The following CACNA1H variants were observed in gnomAD, a reference collection of about 807,000 sequenced individuals.
CACNA1H encodes voltage-dependent T-type calcium channel subunit alpha-1H.
In CACNA1H, 149 loss-of-function variants were observed where a neutral mutation model predicts 192.5. The observed-to-expected ratio is 0.77, with a 90% CI of 0.68 to 0.89. CACNA1H has a LOEUF of 0.89. CACNA1H is among the 40% of genes least tolerant of loss of function. The pLI is 0.00. For missense variants in CACNA1H, 4,257 were observed against 3,423.5 expected (o/e 1.24, Z -6.08); for synonymous variants, 2,202 against 1,475.2 (o/e 1.49, Z -11.29).
rs558090909 is a variant in CACNA1H, at chr16:1,189,196, G to A, written c.300-5776G>A. Among the ~76,000 whole-genome samples, 12 of 151,704 alleles carry A rather than the reference G, an allele frequency of 7.9e-5. No homozygotes were observed. In the South Asian group the frequency reaches 2.5e-3, roughly 31 times the overall value. ...CTGTTCTCCTCCCGGAGACTGAGGAGCTGGTGTCCCTGAAGCGTCCTGGGC... is the reference window on the plus strand; with the variant it reads ...CTGTTCTCCTCCCGGAGACTGAGGAACTGGTGTCCCTGAAGCGTCCTGGGC... On this transcript the variant is annotated intron_variant, in intron 2 of 34. Transcript: ENST00000348261.
rs368265069 is a variant in CACNA1H at position 1,214,955 on chromosome 16, C to G, written c.4930-17C>G. 6.3e-7 allele frequency: 1 copy of G among 1,578,054 alleles called. No homozygotes were observed. Among genetic ancestry groups the G allele is most frequent in the Non-Finnish European group, 8.6e-7 (1 of 1,157,324 alleles). On this transcript the variant is annotated splice_polypyrimidine_tract_variant and intron_variant, in intron 27 of 34. Transcript: ENST00000348261. ...GGCCCCAGCCCCACCTCAGCCAGCC[C>G]GACCCTCCACCCCCAGTCGCTGGAC...
intron 2 of CACNA1H, among the ~76,000 whole-genome samples, chr16:1,193,219 G>T (rs1035452053): frequency 1.2e-4 from 18 of 151,312 alleles, no homozygotes; most frequent in Non-Finnish European, 4.4e-5. Context: ...CCTCAGAGAT[G>T]CACAAAGACA....
At chr16:1,205,074 C>T (rs569563955) in intron 10 of CACNA1H, 40 bp from the exon 11 acceptor site, 38 of 1,567,252 alleles carry the variant, frequency 2.4e-5, no homozygotes, top group African/African-American at 1.2e-4. Flanking sequence ...GTGGGAGCCG[C>T]GGGTGCGGCC....
chr16:1,219,309 G>A (rs1970292752), intron 34 of CACNA1H, among the ~76,000 whole-genome samples, 179 bp downstream of exon 34: 1 of 152,156 alleles, frequency 6.6e-6, no homozygotes, highest in Non-Finnish European at 1.5e-5. Context: ...TTGGGCCCAG[G>A]TGCGTCTTCA....
chr16:1,205,199 C>T lies in CACNA1H; in HGVS notation c.2537C>T (p.Ala846Val), dbSNP rs779724136. The change falls in exon 11 of 35, where the codon GCC becomes GTC. Residue 846 changes from alanine to valine, a missense_variant. Transcript: ENST00000348261. ...CTGGAGATGCTGCTGAAGCTGCTGG[C>T]CTGCGGCCCTCTGGGCTACATCCGG... The part of the protein sequence containing the change: ...FALEMLLKLL[A>V]CGPLGYIRNP... The T allele has an allele frequency of 2.5e-6, 4 of 1,612,950 alleles. No individual in the cohort carries two copies. The highest frequency in any genetic ancestry group is 2.7e-5 in the African/African-American group (2 of 74,920).
rs371310397 is a variant in CACNA1H, at chr16:1,211,231, C to T, written c.4287C>T (p.Pro1429=). Residue 1429 remains proline (P), a synonymous_variant, in exon 22 of 35, where the codon CCC becomes CCT. Coordinates refer to ENST00000348261, the MANE Select transcript of CACNA1H (RefSeq NM_021098.3). ...AGACGCTGATATCATCACTCAGGCC[C>T]ATTGGGAACATCGTCCTCATCTGCT... is the stretch of plus-strand genomic sequence containing the variant. ...VVETLISSLR[P]IGNIVLICCA... 5 of 1,612,990 alleles carry T rather than the reference C, an allele frequency of 3.1e-6. No individual in the cohort carries two copies. The East Asian group carries it at 8.9e-5, about 29-fold the overall frequency.
At chr16:1,186,280 C>G (rs1171888219) in intron 2 of CACNA1H, among the ~76,000 whole-genome samples, 1 of 151,982 alleles carries the variant, frequency 6.6e-6, no homozygotes, top group Non-Finnish European at 1.5e-5. Context: ...GCGCGGCTCC[C>G]TCGAGGTGTC....
In CACNA1H at chr16:1,204,250, C is replaced by G. The variant is rs770371468; in HGVS notation, c.2243C>G (p.Ala748Gly). 4 of 1,610,178 alleles carry G rather than the reference C, an allele frequency of 2.5e-6. No homozygotes were observed. Among genetic ancestry groups the G allele is most frequent in the Non-Finnish European group, 1.7e-6 (2 of 1,178,768 alleles). The change falls in exon 10 of 35, where the codon GCG (alanine) becomes GGG (glycine). Residue 748 changes from alanine to glycine, a missense_variant. Physicochemically the swap from Ala to Gly is moderately conservative, Grantham distance 60. Transcript: ENST00000348261. Reference protein sequence around the residue: ...DRWDPTRPPRATDTPGPGPGS... With the variant: ...DRWDPTRPPRGTDTPGPGPGS... ...TGGGACCCCACGCGACCACCCCGTG[C>G]GACGGACACACCAGGCCCAGGCCCA...
Position 1,210,431 on chromosome 16 carries a change from T to C in CACNA1H, c.3907T>C (p.Phe1303Leu), listed in dbSNP as rs2141339082. The C allele has an allele frequency of 3.1e-6, 5 of 1,591,634 alleles. No homozygotes were observed. The highest frequency in any genetic ancestry group is 3.4e-6 in the Non-Finnish European group (4 of 1,167,924). ...GATGTTTGATCACGTGGTCCTCGTC[T>C]TCATCTTCCTCAACTGCGTCACCAT... is the stretch of plus-strand genomic sequence containing the variant. ...HKMFDHVVLV[F>L]IFLNCVTIAL... The change falls in exon 19 of 35, where the codon TTC becomes CTC. Residue 1303 changes from phenylalanine to leucine, a missense_variant. Coordinates refer to ENST00000348261, the MANE Select transcript of CACNA1H (RefSeq NM_021098.3).
chr16:1,198,671 C>T lies in CACNA1H; in HGVS notation c.700C>T (p.Leu234Phe), dbSNP rs780454817. 4.3e-6 allele frequency: 7 copies of T among 1,613,534 alleles called. No homozygotes were observed. The highest frequency in any genetic ancestry group is 4.2e-6 in the Non-Finnish European group (5 of 1,179,648). Residue 234 changes from leucine to phenylalanine, a missense_variant, in exon 6 of 35, where the codon CTT becomes TTT. By Grantham distance (22) the Leu-to-Phe change is conservative. Transcript: ENST00000348261. ...LDTLPMLGNV[L>F]LLCFFVFFIF... is the part of the protein sequence containing the mutation. ...TACGCTGCCCATGCTCGGGAACGTC[C>T]TTCTGCTGTGCTTCTTCGTCTTCTT...
chr16:1,218,005 G>C lies in CACNA1H; in HGVS notation c.5410G>C (p.Val1804Leu). 6.2e-7 allele frequency: 1 copy of C among 1,601,756 alleles called. No homozygotes were observed. The highest frequency in any genetic ancestry group is 8.5e-7 in the Non-Finnish European group (1 of 1,174,742). The change falls in exon 32 of 35, where the codon GTG (valine) becomes CTG (leucine). Residue 1804 changes from valine (V) to leucine (L), a missense_variant. Physicochemically the swap from Val to Leu is conservative, Grantham distance 32 (BLOSUM62 1). Coordinates refer to ENST00000348261, the MANE Select transcript of CACNA1H (RefSeq NM_021098.3). Reference protein sequence around the residue: ...FGMAFLTLFRVSTGDNWNGIM... With the variant: ...FGMAFLTLFRLSTGDNWNGIM... Reference sequence around the variant, plus strand: ...CATGGCCTTCCTCACGCTGTTCCGCGTGTCCACGGGGGACAACTGGAACGG... The same window carrying C: ...CATGGCCTTCCTCACGCTGTTCCGCCTGTCCACGGGGGACAACTGGAACGG...
Position 1,207,877 on chromosome 16 carries a change from G to C in CACNA1H, c.3154+17G>C. The C allele has an allele frequency of 6.4e-7, 1 of 1,573,162 alleles. No homozygotes were observed. Among genetic ancestry groups the C allele is most frequent in the African/African-American group, 1.4e-5 (1 of 73,920 alleles). ...AGACCACAGGTGCGTGTGGTCGGTG[G>C]GTGGTCCGGGTTCTGGCGGGTGGAG... On this transcript the variant is annotated intron_variant, in intron 15 of 34. Transcript: ENST00000348261.
intron 2 of CACNA1H, among the ~76,000 whole-genome samples, chr16:1,162,458 G>A (rs901757084): frequency 7.9e-5 from 12 of 152,210 alleles, no homozygotes; most frequent in African/African-American, 2.2e-4. Flanking sequence ...GATGAATCGC[G>A]ATTGGTCGCC....
Position 1,213,924 on chromosome 16 carries a change from A to G in CACNA1H, c.4922A>G (p.Gln1641Arg), listed in dbSNP as rs1596466547. The change falls in exon 27 of 35, where the codon CAA becomes CGA. Residue 1641 changes from glutamine (Q) to arginine (R), a missense_variant. By Grantham distance (43) the Gln-to-Arg change is conservative. Transcript: ENST00000348261. The stretch of plus-strand genomic sequence containing the variant: ...ACCATGTCCATGGAGCACTATAACC[A>G]ACCCAAGGTGGGTGCGAGGGGGCCG... ...VITMSMEHYN[Q>R]PKSLDEALKY... is the part of the protein sequence containing the mutation. 6.2e-7 allele frequency: 1 copy of G among 1,610,046 alleles called. No homozygotes were observed. The highest frequency in any genetic ancestry group is 1.7e-4 in the Middle Eastern group (1 of 6,056).
rs577562388 is a variant in CACNA1H at position 1,178,986 on chromosome 16, C to CAG, written c.300-15986_300-15985insAG. Among the ~76,000 whole-genome samples the CAG allele has an allele frequency of 4.0e-3, 608 of 152,340 alleles. 2 individuals carry two copies. Among genetic ancestry groups the CAG allele is most frequent in the African/African-American group, 0.014 (579 of 41,590 alleles). ...CCCCTCCCAGCCCCACCATTTTCCT[C>CAG]GGGATAAACTGAGGCTCTGTGACCT... On this transcript the variant is annotated intron_variant, in intron 2 of 34. Coordinates refer to ENST00000348261, the MANE Select transcript of CACNA1H (RefSeq NM_021098.3).
Position 1,213,916 on chromosome 16 carries a change from C to T in CACNA1H, c.4914C>T (p.His1638=), listed in dbSNP as rs577784413. 1.2e-6 allele frequency: 2 copies of T among 1,611,142 alleles called. No homozygotes were observed. Among genetic ancestry groups the T allele is most frequent in the Admixed American group, 1.7e-5 (1 of 59,802 alleles). ...CVNVITMSME[H]YNQPKSLDEA... Reference sequence around the variant, plus strand: ...ACGTCATCACCATGTCCATGGAGCACTATAACCAACCCAAGGTGGGTGCGA... The same window carrying T: ...ACGTCATCACCATGTCCATGGAGCATTATAACCAACCCAAGGTGGGTGCGA... The change falls in exon 27 of 35, where the codon CAC becomes CAT. Residue 1638 remains histidine (H), a synonymous_variant. Coordinates refer to ENST00000348261, the MANE Select transcript of CACNA1H (RefSeq NM_021098.3).
chr16:1,179,446 T>G (rs1965243972), intron 2 of CACNA1H, among the ~76,000 whole-genome samples: 1 of 152,154 alleles, frequency 6.6e-6, no homozygotes, highest in Non-Finnish European at 1.5e-5. Flanking sequence ...TCCGTCCTCC[T>G]CATTTATTTA....
intron 2 of CACNA1H, among the ~76,000 whole-genome samples, chr16:1,176,835 C>T (rs779158282): frequency 3.0e-4 from 45 of 152,278 alleles, no homozygotes; most frequent in African/African-American, 7.2e-4. Flanking sequence ...CCTTCCCCCG[C>T]GTCTCTTCAC....
chr16:1,201,248 G>T (rs984268239), intron 8 of CACNA1H, among the ~76,000 whole-genome samples: 2 of 152,152 alleles, frequency 1.3e-5, no homozygotes, highest in Non-Finnish European at 2.9e-5. Flanking sequence ...GCAGACAGAC[G>T]TCCCCAGCTT....
Sources: allele counts gnomAD v4.1 joint callset (sites outside exome capture counted in the v4.1 genomes callset), GRCh38; gene constraint gnomAD v4.1.1; transcripts MANE v1.5; gene names NCBI Gene and HGNC (gene_info 2026-07-23, HGNC 2026-07-21).